Variants in SPAG16 observed in about 807,000 individuals in gnomAD.
SPAG16 encodes the protein sperm-associated antigen 16 protein.
A neutral mutation model predicts 80.4 loss-of-function variants in SPAG16; 86 were observed. That is an observed-to-expected ratio of 1.07 (90% confidence interval 0.90 to 1.28). SPAG16 has a LOEUF of 1.28. SPAG16 is among the 50% of genes most tolerant of loss of function. SPAG16 has a pLI of 0.00. For missense variants in SPAG16, 870 were observed against 765.3 expected, an observed-to-expected ratio of 1.14 and a Z score of -1.61; for synonymous variants, 294 against 265.9, an observed-to-expected ratio of 1.11 and a Z score of -1.03.
chr2:213,459,867 C>G lies in SPAG16; in HGVS notation c.943-30096C>G, dbSNP rs115460561. ...TAAATGGAGTGTTATTCCACATAAC[C>G]TTGTTCATCATTACTGAAAATCTCC... On this transcript the variant is annotated intron_variant, in intron 9 of 15. Coordinates refer to ENST00000331683, the MANE Select transcript of SPAG16 (RefSeq NM_024532.5). 6.4e-3 allele frequency among the ~76,000 whole-genome samples: 979 copies of G among 152,220 alleles called. 8 individuals carry two copies. Among genetic ancestry groups the G allele is most frequent in the African/African-American group, 0.023 (949 of 41,518 alleles).
intron 15 of SPAG16, among the ~76,000 whole-genome samples, chr2:214,326,236 C>G (rs974778673): frequency 3.3e-5 from 5 of 152,000 alleles, no homozygotes; most frequent in African/African-American, 1.2e-4. Flanking sequence ...CAAAACAGAA[C>G]AGAAGAGGAG....
chr2:214,042,264 C>G (rs1332941776), intron 13 of SPAG16, among the ~76,000 whole-genome samples: 2 of 151,342 alleles, frequency 1.3e-5, no homozygotes, highest in Admixed American at 1.3e-4. Flanking sequence ...CAGCTAATTT[C>G]AGCTGGAAGT....
intron 12 of SPAG16, among the ~76,000 whole-genome samples, chr2:213,990,715 G>T (rs1275954591): frequency 1.3e-5 from 2 of 152,100 alleles, no homozygotes; most frequent in African/African-American, 4.8e-5. Context: ...TGGTCTTGTT[G>T]TCTTAGGGGT....
intron 12 of SPAG16, among the ~76,000 whole-genome samples, chr2:214,007,974 T>C (rs752398128): frequency 1.3e-5 from 2 of 152,070 alleles, no homozygotes; most frequent in Non-Finnish European, 2.9e-5. Context: ...CCTCCCTCCT[T>C]CTCTTCACCC....
At chr2:214,178,769 C>A (rs1050636790) in intron 15 of SPAG16, among the ~76,000 whole-genome samples, 1 of 151,202 alleles carries the variant, frequency 6.6e-6, no homozygotes, top group African/African-American at 2.4e-5. Context: ...AGCTGAATTT[C>A]CTTACAAAAA....
intron 7 of SPAG16, 59 bp downstream of exon 7, chr2:213,350,704 A>C: frequency 1.1e-6 from 1 of 922,672 alleles, no homozygotes; most frequent in Non-Finnish European, 1.6e-6. Context: ...TTAATAATAC[A>C]AGTAGAAATA....
intron 10 of SPAG16, among the ~76,000 whole-genome samples, chr2:213,804,808 G>T (rs1003074777): frequency 6.6e-6 from 1 of 152,204 alleles, no homozygotes; most frequent in Non-Finnish European, 1.5e-5. Context: ...GAAGACGGAT[G>T]TGCCTGAAAG....
chr2:213,348,442 CT>C (rs1187947576), intron 6 of SPAG16, among the ~76,000 whole-genome samples: 3 of 152,104 alleles, frequency 2.0e-5, no homozygotes, highest in East Asian at 3.8e-4. Context: ...GGTTATTTTG[CT>C]CATTAGTTGA....
At chr2:213,504,823 TGGA>T (rs2074900674) in intron 10 of SPAG16, among the ~76,000 whole-genome samples, 1 of 152,318 alleles carries the variant, frequency 6.6e-6, no homozygotes. Context: ...AATGTCCCTG[TGGA>T]GATGTGCAAA....
At chr2:214,104,821 C>T (rs989653227) in intron 13 of SPAG16, among the ~76,000 whole-genome samples, 3 of 151,900 alleles carry the variant, frequency 2.0e-5, no homozygotes, top group African/African-American at 7.3e-5. Context: ...GAGGTATGGG[C>T]GGCATTAAGG....
rs189531014 is a variant in SPAG16, at chr2:214,163,343, A to G, written c.1720+14077A>G. 7.3e-5 allele frequency among the ~76,000 whole-genome samples: 11 copies of G among 151,496 alleles called. No homozygotes were observed. In the East Asian group the frequency reaches 1.7e-3, roughly 24 times the overall value. ...TTACTTTCCATACCTTTTTATGGCA[A>G]TTTGTTTTTATTTATTTTTGTTTTT... On this transcript the variant is annotated intron_variant, in intron 15 of 15. Transcript: ENST00000331683.
chr2:213,547,236 G>C (rs1446606009), intron 10 of SPAG16, among the ~76,000 whole-genome samples: 1 of 151,834 alleles, frequency 6.6e-6, no homozygotes, highest in African/African-American at 2.4e-5. Context: ...TTATAGTCTT[G>C]AAATAATATA....
At chr2:213,930,618 T>C (rs2078707418) in intron 12 of SPAG16, among the ~76,000 whole-genome samples, 2 of 152,226 alleles carry the variant, frequency 1.3e-5, no homozygotes, top group South Asian at 4.1e-4. Context: ...GATTCACAAA[T>C]TGTAGGAAAT....
rs561251103 is a variant in SPAG16, at chr2:213,890,669, A to G, written c.1214+28041A>G. Among the ~76,000 whole-genome samples the G allele has an allele frequency of 5.9e-5, 9 of 152,186 alleles. No individual in the cohort carries two copies. In the East Asian group the frequency reaches 1.5e-3, roughly 26 times the overall value. On this transcript the variant is annotated intron_variant, in intron 11 of 15. Coordinates refer to ENST00000331683, the MANE Select transcript of SPAG16 (RefSeq NM_024532.5). Reference sequence around the variant, plus strand: ...TTATTTTCTTTAACTCTTATTCTATATATAGGCCAGTTGTATTTTTTGTTT... The same window carrying G: ...TTATTTTCTTTAACTCTTATTCTATGTATAGGCCAGTTGTATTTTTTGTTT...
chr2:213,823,461 A>G (rs887259061), intron 10 of SPAG16, among the ~76,000 whole-genome samples: 2 of 152,076 alleles, frequency 1.3e-5, no homozygotes, highest in Admixed American at 1.3e-4. Flanking sequence ...CCCAAGTTCA[A>G]GCGATTCTCC....
chr2:213,310,092 G>A lies in SPAG16; in HGVS notation c.313G>A (p.Val105Ile). The change falls in exon 4 of 16, where the codon GTA (valine) becomes ATA (isoleucine). Residue 105 changes from valine (V) to isoleucine (I), a missense_variant. Val to Ile is a conservative substitution (Grantham distance 29). Coordinates refer to ENST00000331683, the MANE Select transcript of SPAG16 (RefSeq NM_024532.5). ...AACAGTTCTTCCTTCAAAGCATGCAGTACCTGAAGTAATAGAAGACTTTCT... is the reference window on the plus strand; with the variant it reads ...AACAGTTCTTCCTTCAAAGCATGCAATACCTGAAGTAATAGAAGACTTTCT... ...RKTVLPSKHA[V>I]PEVIEDFLCN... 1.2e-6 allele frequency: 2 copies of A among 1,611,060 alleles called. No homozygotes were observed. Among genetic ancestry groups the A allele is most frequent in the Non-Finnish European group, 1.7e-6 (2 of 1,178,240 alleles).
intron 15 of SPAG16, among the ~76,000 whole-genome samples, chr2:214,260,123 A>C (rs553976072): frequency 6.6e-6 from 1 of 152,256 alleles, no homozygotes; most frequent in South Asian, 2.1e-4. Context: ...TTTTATATTA[A>C]AAAAACAGAT....
chr2:213,749,226 TTTC>T, intron 10 of SPAG16, among the ~76,000 whole-genome samples: 1 of 152,252 alleles, frequency 6.6e-6, no homozygotes, highest in South Asian at 2.1e-4. Context: ...TTTTCTACTT[TTTC>T]TTCTTTTGCT....
chr2:213,556,120 G>C (rs1463468009), intron 10 of SPAG16, among the ~76,000 whole-genome samples: 1 of 151,474 alleles, frequency 6.6e-6, no homozygotes, highest in African/African-American at 2.4e-5. Context: ...CATATCACTG[G>C]AGAAAATCAC....
Sources: allele counts gnomAD v4.1 joint callset (sites outside exome capture counted in the v4.1 genomes callset), GRCh38; gene constraint gnomAD v4.1.1; transcripts MANE v1.5; gene names NCBI Gene and HGNC (gene_info 2026-07-23, HGNC 2026-07-21).